The following GRIN3A variants were observed in gnomAD, a reference collection of about 807,000 sequenced individuals.
GRIN3A encodes the protein glutamate ionotropic receptor NMDA type subunit 3A.
Under a neutral mutation model 92.4 loss-of-function variants are expected in GRIN3A, and 47 were observed. The ratio of observed to expected loss-of-function variants is 0.51; its 90% CI spans 0.40 to 0.65. The LOEUF (loss-of-function observed/expected upper bound fraction) is 0.65, where lower values mean the gene tolerates loss of function less well. Among genes scored for constraint, GRIN3A ranks in the 30% least tolerant of loss-of-function variants. The pLI, the probability that GRIN3A is intolerant of heterozygous loss-of-function variation, is 0.00. For missense variants in GRIN3A, 1,324 were observed against 1,393.1 expected, an observed-to-expected ratio of 0.95 and a Z score of 0.79; for synonymous variants, 527 against 540.6, an observed-to-expected ratio of 0.97 and a Z score of 0.35.
chr9:101,579,385 G>A (rs745908604), intron 6 of GRIN3A, 25 bp from the exon 7 acceptor site: 14 of 1,612,440 alleles, frequency 8.7e-6, no homozygotes, highest in South Asian at 1.1e-5. Flanking sequence ...GAAAGAAAAG[G>A]CCATGAATAC....
chr9:101,582,973 G>T (rs971549732), intron 6 of GRIN3A, among the ~76,000 whole-genome samples: 3 of 152,086 alleles, frequency 2.0e-5, no homozygotes, highest in Admixed American at 2.0e-4. Context: ...ATACCCACAT[G>T]CTGATAGACT....
rs1448941655 is a variant in GRIN3A, at chr9:101,738,203, C to T, written c.-224G>A. On this transcript the variant is annotated 5_prime_UTR_variant, in exon 1 of 9. Coordinates refer to ENST00000361820, the MANE Select transcript of GRIN3A (RefSeq NM_133445.3). ...AGGTCCCTCCGCCTGGCATCCTCTGCCCGCCCGGTCACTGCGCTGAGCAGG... is the reference window on the plus strand; with the variant it reads ...AGGTCCCTCCGCCTGGCATCCTCTGTCCGCCCGGTCACTGCGCTGAGCAGG... The T allele has an allele frequency of 3.6e-4, 216 of 605,508 alleles. No homozygotes were observed. Among genetic ancestry groups the T allele is most frequent in the Non-Finnish European group, 3.6e-5 (12 of 335,996 alleles). The allele number at this position is 605,508 out of a possible 1,614,324, so 37.5% of individuals were successfully genotyped here.
At chr9:101,703,126 A>C (rs1244662896) in intron 1 of GRIN3A, among the ~76,000 whole-genome samples, 1 of 152,182 alleles carries the variant, frequency 6.6e-6, no homozygotes, top group African/African-American at 2.4e-5. Flanking sequence ...TTTTAGAAAA[A>C]AATCTAAATT....
chr9:101,639,024 A>G (rs937316573), intron 3 of GRIN3A, among the ~76,000 whole-genome samples: 1 of 152,164 alleles, frequency 6.6e-6, no homozygotes, highest in African/African-American at 2.4e-5. Flanking sequence ...CAGCCTTCCT[A>G]TGCCCTACGA....
chr9:101,732,802 A>G (rs1830156159), intron 1 of GRIN3A, among the ~76,000 whole-genome samples: 2 of 152,256 alleles, frequency 1.3e-5, no homozygotes, highest in African/African-American at 4.8e-5. Context: ...TTACTTTCTC[A>G]TTTGATTCAC....
At chr9:101,609,173 C>G (rs1828325068) in intron 6 of GRIN3A, among the ~76,000 whole-genome samples, 1 of 152,166 alleles carries the variant, frequency 6.6e-6, no homozygotes, top group Non-Finnish European at 1.5e-5. Flanking sequence ...TCATGGTGAA[C>G]CCATTCCCTC....
chr9:101,596,662 C>T (rs1828137811), intron 6 of GRIN3A, among the ~76,000 whole-genome samples: 1 of 152,168 alleles, frequency 6.6e-6, no homozygotes, highest in African/African-American at 2.4e-5. Flanking sequence ...CTGGGAGCCT[C>T]TAGAATTGTG....
At chr9:101,617,155 G>A (rs1828469613) in intron 5 of GRIN3A, among the ~76,000 whole-genome samples, 1 of 146,310 alleles carries the variant, frequency 6.8e-6, no homozygotes, top group African/African-American at 2.6e-5. Context: ...AGCCGAGATT[G>A]CGCCACTGCA....
chr9:101,641,464 G>A (rs942509152), intron 3 of GRIN3A, among the ~76,000 whole-genome samples: 1 of 152,144 alleles, frequency 6.6e-6, no homozygotes, highest in African/African-American at 2.4e-5. Context: ...TTCATGATGA[G>A]TTCATGTCCT....
At chr9:101,650,443 A>G (rs1318892226) in intron 3 of GRIN3A, among the ~76,000 whole-genome samples, 1 of 152,026 alleles carries the variant, frequency 6.6e-6, no homozygotes, top group Non-Finnish European at 1.5e-5. Context: ...TGAGAAGGAC[A>G]TGCCCGAATG....
intron 1 of GRIN3A, among the ~76,000 whole-genome samples, chr9:101,705,348 G>A (rs1370449155): frequency 6.6e-6 from 1 of 152,078 alleles, no homozygotes; most frequent in African/African-American, 2.4e-5. Context: ...GAACCAAGCC[G>A]ACCGCCAAGA....
chr9:101,643,695 A>C (rs1418919350), intron 3 of GRIN3A, among the ~76,000 whole-genome samples: 7 of 150,498 alleles, frequency 4.7e-5, no homozygotes, highest in Admixed American at 4.0e-4. Flanking sequence ...ACACACACAC[A>C]CCCACACGAA....
intron 3 of GRIN3A, among the ~76,000 whole-genome samples, chr9:101,660,026 A>G (rs1363016105): frequency 6.6e-6 from 1 of 151,782 alleles, no homozygotes; most frequent in Non-Finnish European, 1.5e-5. Context: ...GAAAGAATAT[A>G]CCATTCCCCC....
At chr9:101,698,816 G>A (rs189844274) in intron 1 of GRIN3A, among the ~76,000 whole-genome samples, 40 of 151,914 alleles carry the variant, frequency 2.6e-4, no homozygotes, top group Non-Finnish European at 3.5e-4. Context: ...CTACAGGTGC[G>A]AGCCACCACG....
rs933008432 is a variant in GRIN3A at position 101,573,024 on chromosome 9, C to T, written c.*150G>A. On this transcript the variant is annotated 3_prime_UTR_variant, in exon 9 of 9. Transcript: ENST00000361820. Reference sequence around the variant, plus strand: ...GAGCTTGAGAGGAGCTGCTGCTGCACTTTAGGCGAGGGAGAGCAGACTTGA... The same window carrying T: ...GAGCTTGAGAGGAGCTGCTGCTGCATTTTAGGCGAGGGAGAGCAGACTTGA... 2 of 691,088 alleles carry T rather than the reference C, an allele frequency of 2.9e-6. No individual in the cohort carries two copies. The highest frequency in any genetic ancestry group is 4.0e-4 in the Middle Eastern group (1 of 2,524). The allele number at this position is 691,088 out of a possible 1,614,324, so 42.8% of individuals were successfully genotyped here.
chr9:101,637,132 G>A (rs953948398), intron 3 of GRIN3A, among the ~76,000 whole-genome samples: 6 of 151,516 alleles, frequency 4.0e-5, no homozygotes, highest in South Asian at 2.1e-4. Context: ...TCGCTCTGTC[G>A]CCCAGGCTGG....
chr9:101,726,887 A>C (rs1830087550), intron 1 of GRIN3A, among the ~76,000 whole-genome samples: 1 of 152,146 alleles, frequency 6.6e-6, no homozygotes, highest in South Asian at 2.1e-4. Flanking sequence ...TCTTAATTTA[A>C]ATTCAAGTAT....
chr9:101,688,059 T>C (rs937641277), intron 1 of GRIN3A, among the ~76,000 whole-genome samples: 1 of 152,224 alleles, frequency 6.6e-6, no homozygotes, highest in Non-Finnish European at 1.5e-5. Context: ...CACAATGTCT[T>C]ATATACGTTA....
chr9:101,665,407 G>C lies in GRIN3A; in HGVS notation c.2352+4653C>G, dbSNP rs930808292. Among the ~76,000 whole-genome samples the C allele has an allele frequency of 2.6e-5, 4 of 151,972 alleles. No individual in the cohort carries two copies. In the East Asian group the frequency reaches 7.8e-4, roughly 29 times the overall value. ...AGAGCATTAATGGGGAAGCACAGCA[G>C]GCAGGTGTTCAAGAGCATTAACGGG... On this transcript the variant is annotated intron_variant, in intron 3 of 8. Coordinates refer to ENST00000361820, the MANE Select transcript of GRIN3A (RefSeq NM_133445.3).
Sources: gnomAD v4.1 joint callset for allele counts (sites outside exome capture counted in the v4.1 genomes callset) on GRCh38, gnomAD v4.1.1 for gene constraint, MANE v1.5 for transcripts, NCBI Gene and HGNC (gene_info 2026-07-23, HGNC 2026-07-21) for gene names.